The following PAPPA variants were observed in gnomAD, a reference collection of about 807,000 sequenced individuals.
PAPPA encodes pappalysin-1.
In PAPPA, 60 loss-of-function variants were observed where a neutral mutation model predicts 164.0. The observed-to-expected ratio is 0.37, with a 90% confidence interval of 0.30 to 0.45. The LOEUF is 0.45. Ranked by LOEUF, PAPPA falls within the 20% of genes least tolerant of loss-of-function variation. The pLI, the probability that PAPPA is intolerant of heterozygous loss-of-function variation, is 1.00. For missense variants in PAPPA, 1,782 were observed against 2,087.3 expected (o/e 0.85, Z 2.85); for synonymous variants, 875 against 814.1 (o/e 1.07, Z -1.27).
chr9:116,234,282 A>G (rs1844633034), intron 6 of PAPPA, among the ~76,000 whole-genome samples: 1 of 152,152 alleles, frequency 6.6e-6, no homozygotes, highest in African/African-American at 2.4e-5. Flanking sequence ...CTAGGGAAAG[A>G]GGAGAAGAAA....
At chr9:116,231,854 C>G (rs897307166) in intron 6 of PAPPA, among the ~76,000 whole-genome samples, 2 of 147,234 alleles carry the variant, frequency 1.4e-5, no homozygotes. Flanking sequence ...CTCAGCCTCA[C>G]GGGTTCAAGT....
chr9:116,192,072 A>G (rs901357602), intron 2 of PAPPA, among the ~76,000 whole-genome samples: 1 of 152,146 alleles, frequency 6.6e-6, no homozygotes, highest in South Asian at 2.1e-4. Flanking sequence ...CCAGAAGGGA[A>G]CCAGGAGAGT....
rs201035147 is a variant in PAPPA, at chr9:116,219,941, C to T, written c.1923C>T (p.Asp641=). ...PYNNFMSYAD[D]DCTDSFTPNQ... ...TCTCCCTCTGCCTGCTTGCAGATGA[C>T]GACTGTACGGACTCCTTCACGCCCA... The change falls in exon 5 of 22, where the codon GAC becomes GAT. Residue 641 remains aspartate (D), a synonymous_variant. Transcript: ENST00000328252. 6.8e-6 allele frequency: 11 copies of T among 1,609,844 alleles called. No homozygotes were observed. The highest frequency in any genetic ancestry group is 1.7e-4 in the Middle Eastern group (1 of 6,042).
chr9:116,259,374 C>T (rs1429111601), intron 7 of PAPPA, among the ~76,000 whole-genome samples: 1 of 151,542 alleles, frequency 6.6e-6, no homozygotes, highest in East Asian at 1.9e-4. Flanking sequence ...GAGTCATAGA[C>T]CATGAAATGG....
intron 13 of PAPPA, among the ~76,000 whole-genome samples, chr9:116,341,778 T>TGATG (rs1322831780): frequency 6.6e-6 from 1 of 152,236 alleles, no homozygotes; most frequent in East Asian, 1.9e-4. Context: ...AATCAGTGGA[T>TGATG]GATGTCTCAC....
intron 1 of PAPPA, among the ~76,000 whole-genome samples, chr9:116,183,443 G>T (rs1433207437): frequency 6.6e-6 from 1 of 152,160 alleles, no homozygotes; most frequent in Non-Finnish European, 1.5e-5. Context: ...GAGGTGGTAT[G>T]ACTTGTCCCA....
intron 7 of PAPPA, among the ~76,000 whole-genome samples, chr9:116,247,063 A>G (rs916201367): frequency 3.3e-5 from 5 of 152,016 alleles, no homozygotes; most frequent in Middle Eastern, 3.2e-3. Context: ...AAATGTTGTT[A>G]CCTTGGGGAA....
At chr9:116,266,467 G>A (rs1845068989) in intron 8 of PAPPA, among the ~76,000 whole-genome samples, 1 of 152,118 alleles carries the variant, frequency 6.6e-6, no homozygotes, top group Non-Finnish European at 1.5e-5. Flanking sequence ...ATGGGTCAAA[G>A]GCTTATAAAA....
At chr9:116,309,542 T>G (rs1338174449) in intron 10 of PAPPA, among the ~76,000 whole-genome samples, 2 of 151,944 alleles carry the variant, frequency 1.3e-5, no homozygotes, top group African/African-American at 4.8e-5. Context: ...TGATGCAGTG[T>G]AGGAAGTGCT....
intron 21 of PAPPA, 57 bp downstream of exon 21, chr9:116,382,550 G>A (rs1272875940): frequency 1.9e-6 from 2 of 1,038,084 alleles, no homozygotes; most frequent in South Asian, 1.3e-5. Context: ...CAGCTTGTGG[G>A]GCCAGGATCA....
At chr9:116,188,410 T>G (rs1587944135) in intron 2 of PAPPA, among the ~76,000 whole-genome samples, 194 bp downstream of exon 2, 1 of 152,060 alleles carries the variant, frequency 6.6e-6, no homozygotes, top group Admixed American at 6.6e-5. Context: ...ATAAAAATAT[T>G]TATTGAGTGC....
At chr9:116,310,951 A>G (rs144117183) in intron 10 of PAPPA, among the ~76,000 whole-genome samples, 1 of 152,174 alleles carries the variant, frequency 6.6e-6, no homozygotes, top group East Asian at 1.9e-4. Context: ...CTAGAAATAC[A>G]GTTTTCCTTC....
chr9:116,172,084 G>A (rs1843781569), intron 1 of PAPPA, among the ~76,000 whole-genome samples: 1 of 152,140 alleles, frequency 6.6e-6, no homozygotes, highest in African/African-American at 2.4e-5. Flanking sequence ...GTCGGGCACT[G>A]TTCATAAAAT....
intron 8 of PAPPA, among the ~76,000 whole-genome samples, chr9:116,268,691 T>C (rs1845101046): frequency 1.1e-5 from 1 of 87,992 alleles, no homozygotes; most frequent in Non-Finnish European, 2.2e-5. Flanking sequence ...TTTTAAATAG[T>C]ATACTTAATA....
intron 1 of PAPPA, among the ~76,000 whole-genome samples, chr9:116,186,056 A>G (rs1189013623): frequency 6.6e-6 from 1 of 152,090 alleles, no homozygotes; most frequent in Admixed American, 6.5e-5. Flanking sequence ...ACGTAATGTC[A>G]CCACCTTAGG....
At chr9:116,253,459 A>AT (rs1266947086) in intron 7 of PAPPA, among the ~76,000 whole-genome samples, 3 of 152,188 alleles carry the variant, frequency 2.0e-5, no homozygotes, top group South Asian at 4.1e-4. Flanking sequence ...AACAGTAGCC[A>AT]TTTTTTTCTG....
At chr9:116,163,062 T>A (rs1225109731) in intron 1 of PAPPA, among the ~76,000 whole-genome samples, 1 of 152,216 alleles carries the variant, frequency 6.6e-6, no homozygotes, top group Non-Finnish European at 1.5e-5. Flanking sequence ...CAACAACTAT[T>A]TTTTGAGTTT....
chr9:116,176,090 G>T (rs536449532), intron 1 of PAPPA, among the ~76,000 whole-genome samples: 2 of 152,270 alleles, frequency 1.3e-5, no homozygotes, highest in African/African-American at 4.8e-5. Flanking sequence ...GAAGACTGAA[G>T]GTCTACTGGA....
At chr9:116,358,555 C>T in intron 17 of PAPPA, among the ~76,000 whole-genome samples, 1 of 152,244 alleles carries the variant, frequency 6.6e-6, no homozygotes, top group East Asian at 1.9e-4. Context: ...CATGGTGGAA[C>T]TGACACTCTT....
Sources: gnomAD v4.1 joint callset for allele counts (sites outside exome capture counted in the v4.1 genomes callset) on GRCh38, gnomAD v4.1.1 for gene constraint, MANE v1.5 for transcripts, NCBI Gene and HGNC (gene_info 2026-07-23, HGNC 2026-07-21) for gene names.